The following ZNF516 variants were observed in gnomAD, a reference collection of about 807,000 sequenced individuals.
ZNF516 encodes zinc finger protein 516.
Under a neutral mutation model 79.7 loss-of-function variants are expected in ZNF516, and 19 were observed. The observed-to-expected ratio is 0.24, with a 90% CI of 0.17 to 0.35. The LOEUF (loss-of-function observed/expected upper bound fraction) is 0.35. Ranked by LOEUF, ZNF516 falls within the 10% of genes least tolerant of loss-of-function variation. The pLI, the probability that ZNF516 is intolerant of heterozygous loss-of-function variation, is 1.00. For synonymous variants in ZNF516, 877 were observed against 739.5 expected (o/e 1.19, Z -3.02); for missense variants, 1,678 against 1,679.5 (o/e 1.00, Z 0.02).
intron 3 of ZNF516, among the ~76,000 whole-genome samples, chr18:76,421,551 A>G (rs561078066): frequency 1.3e-4 from 20 of 152,208 alleles, no homozygotes; most frequent in Non-Finnish European, 2.9e-4. Flanking sequence ...CTCTCCACAG[A>G]ACCTGCTAGA....
At chr18:76,491,100 T>A (rs951458626) in intron 1 of ZNF516, 7 of 984,522 alleles carry the variant, frequency 7.1e-6, no homozygotes, top group East Asian at 1.1e-4. Flanking sequence ...GGGCCACGCC[T>A]TTCCCACCGC....
chr18:76,403,667 G>A (rs543773748), intron 3 of ZNF516, among the ~76,000 whole-genome samples: 1 of 152,198 alleles, frequency 6.6e-6, no homozygotes, highest in East Asian at 1.9e-4. Flanking sequence ...ACAGGCGCAT[G>A]TTTGGAGGTA....
intron 3 of ZNF516, among the ~76,000 whole-genome samples, chr18:76,424,095 G>A (rs977021896): frequency 2.8e-5 from 3 of 107,760 alleles, no homozygotes; most frequent in African/African-American, 1.1e-4. Context: ...ACACACGCAG[G>A]TGAAAAGGCT....
chr18:76,495,480 A>AATAGTGG (rs1660286882), upstream of ZNF516: 1 of 156,726 alleles, frequency 6.4e-6, no homozygotes, highest in African/African-American at 2.4e-5. Context: ...CCCTGTAGGA[A>AATAGTGG]ACGCACACTC....
intron 3 of ZNF516, among the ~76,000 whole-genome samples, chr18:76,381,649 G>C (rs2074894282): frequency 6.6e-6 from 1 of 152,212 alleles, no homozygotes; most frequent in Non-Finnish European, 1.5e-5. Flanking sequence ...GCCCAGATCT[G>C]AGGGACACGG....
At position 76,441,366 on chromosome 18, in the gene ZNF516, G is replaced by A; in HGVS notation, c.1689C>T (p.Asp563=). The A allele has an allele frequency of 1.9e-6, 3 of 1,611,266 alleles. No individual in the cohort carries two copies. The highest frequency in any genetic ancestry group is 2.5e-6 in the Non-Finnish European group (3 of 1,179,336). ...CAGGGCTGCTGGGCTGGGAGGCCGA[G>A]TCACCCTCACTGAGTGATCCGCAGC... ...RARCGSLSEG[D]SASQPSSPGS... The change falls in exon 3 of 7, where the codon GAC becomes GAT. Residue 563 remains aspartate, a synonymous_variant. Coordinates refer to ENST00000443185, the MANE Select transcript of ZNF516 (RefSeq NM_014643.4).
intron 3 of ZNF516, among the ~76,000 whole-genome samples, chr18:76,384,906 G>T (rs1483476289): frequency 6.6e-6 from 1 of 152,224 alleles, no homozygotes; most frequent in African/African-American, 2.4e-5. Flanking sequence ...GCCCTGCATA[G>T]ATGGCTGCCT....
intron 3 of ZNF516, among the ~76,000 whole-genome samples, chr18:76,392,248 A>G (rs1470877989): frequency 6.6e-6 from 1 of 152,238 alleles, no homozygotes; most frequent in Non-Finnish European, 1.5e-5. Flanking sequence ...TGACATAGGG[A>G]AAAAGACTCT....
chr18:76,455,289 A>G (rs1912653713), intron 2 of ZNF516, among the ~76,000 whole-genome samples: 1 of 152,240 alleles, frequency 6.6e-6, no homozygotes. Context: ...GGAAGAATGC[A>G]TTCATTCTAC....
At chr18:76,472,195 A>G (rs1253839937) in intron 1 of ZNF516, among the ~76,000 whole-genome samples, 2 of 151,652 alleles carry the variant, frequency 1.3e-5, no homozygotes, top group Non-Finnish European at 2.9e-5. Flanking sequence ...TGGCTGAGGG[A>G]CCCTCCACAA....
intron 3 of ZNF516, among the ~76,000 whole-genome samples, chr18:76,410,793 C>T (rs1247529413): frequency 6.6e-6 from 1 of 152,192 alleles, no homozygotes; most frequent in Non-Finnish European, 1.5e-5. Context: ...CATGCAGCCA[C>T]AACACGCAAC....
In ZNF516 at chr18:76,492,014, C is replaced by T. The variant is rs550006506; in HGVS notation, c.-272+3130G>A. On this transcript the variant is annotated intron_variant, in intron 1 of 6. Transcript: ENST00000443185. Reference sequence around the variant, plus strand: ...CTGCAGAAGAGGAGGACGAAGGTCGCCCACGGACCCTCGGGTGACCTCGGT... The same window carrying T: ...CTGCAGAAGAGGAGGACGAAGGTCGTCCACGGACCCTCGGGTGACCTCGGT... Among the ~76,000 whole-genome samples, 132 of 152,306 alleles carry T rather than the reference C, an allele frequency of 8.7e-4. 2 individuals carry two copies. In the South Asian group the frequency reaches 0.01, roughly 12 times the overall value.
chr18:76,468,327 C>T (rs1364127875), intron 1 of ZNF516, among the ~76,000 whole-genome samples: 3 of 152,072 alleles, frequency 2.0e-5, no homozygotes, highest in East Asian at 1.9e-4. Flanking sequence ...GTCCAACCCG[C>T]GGCAGCCCAA....
intron 3 of ZNF516, among the ~76,000 whole-genome samples, chr18:76,406,076 G>C (rs1022491463): frequency 6.6e-6 from 1 of 152,166 alleles, no homozygotes; most frequent in Admixed American, 6.5e-5. Context: ...CGCAGGTGAG[G>C]GGCCTCCTTC....
intron 3 of ZNF516, among the ~76,000 whole-genome samples, chr18:76,405,788 A>G (rs1387273672): frequency 6.6e-6 from 1 of 151,908 alleles, no homozygotes; most frequent in East Asian, 2.0e-4. Flanking sequence ...ACACCGTCAC[A>G]CTCAGCCTGA....
intron 4 of ZNF516, among the ~76,000 whole-genome samples, 182 bp from the exon 5 acceptor site, chr18:76,371,753 GC>G (rs910366608): frequency 5.9e-5 from 9 of 152,194 alleles, no homozygotes; most frequent in African/African-American, 2.2e-4. Flanking sequence ...CTGCTGACAG[GC>G]CAGGCACTCT....
chr18:76,408,668 G>A (rs893948771), intron 3 of ZNF516, among the ~76,000 whole-genome samples: 7 of 152,208 alleles, frequency 4.6e-5, no homozygotes, highest in Non-Finnish European at 8.8e-5. Context: ...AGAAAGAGGC[G>A]TAAAAAGAGG....
At chr18:76,408,980 T>C (rs1192130491) in intron 3 of ZNF516, among the ~76,000 whole-genome samples, 1 of 152,170 alleles carries the variant, frequency 6.6e-6, no homozygotes, top group East Asian at 1.9e-4. Context: ...AAGTTAAATA[T>C]ATTCTTATCT....
Position 76,493,237 on chromosome 18 carries a change from G to C in ZNF516, c.-272+1907C>G, listed in dbSNP as rs1013214084. Reference sequence around the variant, plus strand: ...GACGATATCCATTTAAATATATTTTGTACTTCCACAAAGGATGGAAAGGGA... The same window carrying C: ...GACGATATCCATTTAAATATATTTTCTACTTCCACAAAGGATGGAAAGGGA... On this transcript the variant is annotated intron_variant, in intron 1 of 6. Coordinates refer to ENST00000443185, the MANE Select transcript of ZNF516 (RefSeq NM_014643.4). The surrounding 1 kb of genome is among the most constrained non-coding windows in gnomAD (Gnocchi z 5.2). The C allele has an allele frequency of 4.3e-5, 41 of 952,956 alleles. No homozygotes were observed. Among genetic ancestry groups the C allele is most frequent in the Non-Finnish European group, 4.9e-5 (39 of 804,000 alleles). 59.0% of individuals were successfully genotyped at this position (952,956 alleles called of 1,614,324 possible). A position where few individuals can be genotyped will look rare whatever the true frequency, so the allele number is the denominator to read the frequency against.
Sources: gnomAD v4.1 joint callset for allele counts (sites outside exome capture counted in the v4.1 genomes callset) on GRCh38, gnomAD v4.1.1 for gene constraint, Gnocchi (gnomAD v3.1) non-coding constraint, MANE v1.5 for transcripts, NCBI Gene and HGNC (gene_info 2026-07-23, HGNC 2026-07-21) for gene names.